The following SNTB1 variants were observed in gnomAD, a reference collection of about 807,000 sequenced individuals.
SNTB1 encodes beta-1-syntrophin.
In SNTB1, 36 loss-of-function variants were observed where a neutral mutation model predicts 48.9. That is an observed-to-expected ratio of 0.74 (90% confidence interval 0.56 to 0.97). SNTB1 has a LOEUF of 0.97. Among genes scored for constraint, SNTB1 ranks in the 50% least tolerant of loss-of-function variants. The pLI, the probability that SNTB1 is intolerant of heterozygous loss-of-function variation, is 0.00. For synonymous variants in SNTB1, 299 were observed against 294.6 expected, an observed-to-expected ratio of 1.01 and a Z score of -0.15; for missense variants, 786 against 703.4, an observed-to-expected ratio of 1.12 and a Z score of -1.33.
At chr8:120,789,633 G>A (rs959847481) in intron 1 of SNTB1, among the ~76,000 whole-genome samples, 15 of 151,850 alleles carry the variant, frequency 9.9e-5, no homozygotes, top group Admixed American at 3.9e-4. Flanking sequence ...AAAATCTAGA[G>A]AAATTGGATA....
At chr8:120,763,880 C>T (rs1051514953) in intron 1 of SNTB1, among the ~76,000 whole-genome samples, 1 of 151,946 alleles carries the variant, frequency 6.6e-6, no homozygotes, top group Non-Finnish European at 1.5e-5. Context: ...TGGTCTTGAA[C>T]TCCTGGGGTC....
intron 3 of SNTB1, among the ~76,000 whole-genome samples, chr8:120,577,705 A>G (rs537670637): frequency 6.6e-6 from 1 of 152,226 alleles, no homozygotes. Flanking sequence ...TTCAAAAACA[A>G]TATTAAGTTT....
At chr8:120,571,061 ATAG>A in intron 4 of SNTB1, 1 of 530,936 alleles carries the variant, frequency 1.9e-6, no homozygotes, top group Non-Finnish European at 2.8e-6. Flanking sequence ...CTCCTGGCAC[ATAG>A]TAGATGATTT....
chr8:120,701,298 A>T (rs377498540), intron 1 of SNTB1, among the ~76,000 whole-genome samples: 16 of 152,140 alleles, frequency 1.1e-4, no homozygotes, highest in African/African-American at 3.4e-4. Context: ...GGAGTCTGAG[A>T]CCTGGATTAC....
intron 1 of SNTB1, among the ~76,000 whole-genome samples, chr8:120,752,814 C>G (rs1009242124): frequency 4.6e-5 from 7 of 151,778 alleles, no homozygotes; most frequent in African/African-American, 1.7e-4. Context: ...GGCACAGGGG[C>G]CTACTTGAGG....
rs1383662626 is a variant in SNTB1 at position 120,669,476 on chromosome 8, C to T, written c.788+24216G>A. On this transcript the variant is annotated intron_variant, in intron 2 of 6. Transcript: ENST00000517992. ...TTTTTTTTTTTTTGAGACGGAGTCT[C>T]GCTCTGTCGCCCAGGCCGGACTGCG... 2.2e-3 allele frequency among the ~76,000 whole-genome samples: 72 copies of T among 32,556 alleles called. 30 individuals are homozygous for T. The African/African-American group carries it at 0.1, about 46-fold the overall frequency. The allele number at this position is 32,556 out of a possible 152,430, so 21.4% of individuals were successfully genotyped here.
Position 120,538,069 on chromosome 8 carries a change from T to C in SNTB1, c.*808A>G, listed in dbSNP as rs1164878808. 5 of 152,400 alleles carry C rather than the reference T, an allele frequency of 3.3e-5. No homozygotes were observed. The highest frequency in any genetic ancestry group is 9.6e-5 in the African/African-American group (4 of 41,464). 9.4% of individuals were successfully genotyped at this position (152,400 alleles called of 1,614,324 possible). A position where few individuals can be genotyped will look rare whatever the true frequency, so the allele number is the denominator to read the frequency against. On this transcript the variant is annotated 3_prime_UTR_variant, in exon 7 of 7. Transcript: ENST00000517992. ...AAAAATACCCATAATTCACTCTCTATAAATAAAGCTGTAATTCTTGGCTAT... is the reference window on the plus strand; with the variant it reads ...AAAAATACCCATAATTCACTCTCTACAAATAAAGCTGTAATTCTTGGCTAT...
intron 3 of SNTB1, among the ~76,000 whole-genome samples, chr8:120,585,137 C>T (rs1816118583): frequency 6.6e-6 from 1 of 152,190 alleles, no homozygotes; most frequent in Admixed American, 6.5e-5. Flanking sequence ...CTGTAGTTCA[C>T]CACTCTTAAT....
chr8:120,696,707 A>G (rs550696973), intron 1 of SNTB1, among the ~76,000 whole-genome samples: 2 of 152,370 alleles, frequency 1.3e-5, no homozygotes, highest in East Asian at 3.9e-4. Flanking sequence ...AGCATGACAT[A>G]GGTGATCCCT....
intron 1 of SNTB1, among the ~76,000 whole-genome samples, chr8:120,716,237 G>A (rs1818555880): frequency 6.6e-6 from 1 of 152,148 alleles, no homozygotes; most frequent in Non-Finnish European, 1.5e-5. Flanking sequence ...CAGACTGACT[G>A]CCTGAGAAGA....
intron 1 of SNTB1, among the ~76,000 whole-genome samples, chr8:120,712,463 G>A (rs1363288643): frequency 6.6e-6 from 1 of 150,408 alleles, no homozygotes; most frequent in African/African-American, 2.4e-5. Flanking sequence ...TTCATATAGT[G>A]AATGAGGTAC....
intron 2 of SNTB1, among the ~76,000 whole-genome samples, chr8:120,692,453 T>G (rs547537804): frequency 6.6e-6 from 1 of 152,328 alleles, no homozygotes; most frequent in African/African-American, 2.4e-5. Flanking sequence ...CCCCATTTGC[T>G]GGCTCGATCC....
chr8:120,771,299 G>A (rs1031466577), intron 1 of SNTB1, among the ~76,000 whole-genome samples: 21 of 152,208 alleles, frequency 1.4e-4, no homozygotes, highest in Admixed American at 5.2e-4. Flanking sequence ...GGAAGAAAAT[G>A]CTAGGTGGTG....
At chr8:120,551,574 A>G (rs527701667) in intron 4 of SNTB1, among the ~76,000 whole-genome samples, 2 of 151,808 alleles carry the variant, frequency 1.3e-5, no homozygotes, top group African/African-American at 4.8e-5. Context: ...AAAATGCAAA[A>G]AATCAGCTGG....
At chr8:120,758,941 A>G (rs565950157) in intron 1 of SNTB1, among the ~76,000 whole-genome samples, 1 of 151,974 alleles carries the variant, frequency 6.6e-6, no homozygotes, top group Non-Finnish European at 1.5e-5. Context: ...TTATTTATTT[A>G]TTATTATTTT....
chr8:120,698,136 C>T (rs1818241323), intron 1 of SNTB1, among the ~76,000 whole-genome samples: 1 of 152,108 alleles, frequency 6.6e-6, no homozygotes. Flanking sequence ...TTTGGCTTTG[C>T]TGAACAATGC....
At chr8:120,810,283 C>A (rs113822782) in intron 1 of SNTB1, among the ~76,000 whole-genome samples, 1 of 152,254 alleles carries the variant, frequency 6.6e-6, no homozygotes, top group Non-Finnish European at 1.5e-5. Context: ...AGAAGAGAAA[C>A]AAGTGAGAAA....
At chr8:120,578,195 G>A (rs1240545005) in intron 3 of SNTB1, among the ~76,000 whole-genome samples, 4 of 132,294 alleles carry the variant, frequency 3.0e-5, no homozygotes, top group East Asian at 2.0e-4. Flanking sequence ...CATCACGCCC[G>A]GCTAATTTTT....
At chr8:120,768,277 T>G (rs1320708292) in intron 1 of SNTB1, among the ~76,000 whole-genome samples, 5 of 152,174 alleles carry the variant, frequency 3.3e-5, no homozygotes, top group Non-Finnish European at 7.3e-5. Context: ...ACACCAGCAC[T>G]AGAACTTCAG....
Sources: gnomAD v4.1 joint callset for allele counts (sites outside exome capture counted in the v4.1 genomes callset) on GRCh38, gnomAD v4.1.1 for gene constraint, MANE v1.5 for transcripts, NCBI Gene and HGNC (gene_info 2026-07-23, HGNC 2026-07-21) for gene names.